PTPRD: variants seen among roughly 807,000 people sequenced by gnomAD.
PTPRD encodes protein tyrosine phosphatase receptor type D, also known as receptor-type tyrosine-protein phosphatase delta.
PTPRD carries 34 observed loss-of-function variants against 214.5 expected under a neutral mutation model. The observed-to-expected ratio is 0.16, with a 90% CI of 0.12 to 0.21. The LOEUF (loss-of-function observed/expected upper bound fraction) is 0.21, where lower values mean the gene tolerates loss of function less well. Ranked by LOEUF, PTPRD falls within the 10% of genes least tolerant of loss-of-function variation. The probability of loss-of-function intolerance (pLI) is 1.00; values close to 1 mark genes in which losing one functional copy is unlikely to be tolerated. For missense variants in PTPRD, 2,545 were observed against 2,398.7 expected (o/e 1.06, Z -1.27); for synonymous variants, 1,128 against 845.7 (o/e 1.33, Z -5.79).
chr9:9,431,862 T>C (rs956491556), intron 8 of PTPRD, among the ~76,000 whole-genome samples: 15 of 124,944 alleles, frequency 1.2e-4, no homozygotes, highest in African/African-American at 4.7e-4. Flanking sequence ...ATGAGAACAC[T>C]TGGACACAGG....
At chr9:10,267,517 C>T (rs1269026786) in intron 3 of PTPRD, among the ~76,000 whole-genome samples, 2 of 151,906 alleles carry the variant, frequency 1.3e-5, no homozygotes, top group African/African-American at 4.8e-5. Flanking sequence ...CACCTACTAG[C>T]AAGATATGAG....
intron 7 of PTPRD, among the ~76,000 whole-genome samples, chr9:9,623,541 C>A (rs888244746): frequency 6.6e-6 from 1 of 152,126 alleles, no homozygotes; most frequent in African/African-American, 2.4e-5. Context: ...CATATTACCC[C>A]CTTTCTAGTA....
intron 7 of PTPRD, among the ~76,000 whole-genome samples, chr9:9,704,381 A>C (rs1189297285): frequency 6.6e-6 from 1 of 152,184 alleles, no homozygotes; most frequent in African/African-American, 2.4e-5. Flanking sequence ...TTGAATCATT[A>C]ATATGCTCAG....
intron 21 of PTPRD, among the ~76,000 whole-genome samples, chr9:8,512,963 T>C (rs1374344471): frequency 6.6e-6 from 1 of 152,014 alleles, no homozygotes; most frequent in African/African-American, 2.4e-5. Flanking sequence ...ACAATTACCT[T>C]TACAAGAAAA....
intron 2 of PTPRD, among the ~76,000 whole-genome samples, chr9:10,446,470 T>C (rs1050919174): frequency 4.9e-5 from 7 of 144,098 alleles, no homozygotes; most frequent in Admixed American, 2.1e-4. Flanking sequence ...AGCTAAAAGA[T>C]TGAAATTCTC....
Position 8,341,785 on chromosome 9 carries a change from C to T in PTPRD, c.4855G>A (p.Glu1619Lys), listed in dbSNP as rs776356704. 1.9e-6 allele frequency: 3 copies of T among 1,613,550 alleles called. No individual in the cohort carries two copies. Among genetic ancestry groups the T allele is most frequent in the South Asian group, 1.1e-5 (1 of 91,066 alleles). ...LLEAVTCGNT[E>K]VPARNLYAYI... is the part of the protein sequence containing the mutation. ...GCATACAAGTTTCTAGCTGGCACTT[C>T]GGTATTTCCACAAGTCACTGCTTCT... The change falls in exon 40 of 46, where the codon GAA becomes AAA. Residue 1619 changes from glutamate to lysine, a missense_variant. Glu to Lys is a moderately conservative substitution (Grantham distance 56). Coordinates refer to ENST00000381196, the MANE Select transcript of PTPRD (RefSeq NM_002839.4).
At chr9:10,263,044 G>A (rs1237733795) in intron 3 of PTPRD, among the ~76,000 whole-genome samples, 3 of 152,260 alleles carry the variant, frequency 2.0e-5, no homozygotes, top group East Asian at 3.9e-4. Flanking sequence ...CTGCCACCAT[G>A]TAAGGTGTGC....
At chr9:8,468,832 CA>C (rs1243629146) in intron 31 of PTPRD, among the ~76,000 whole-genome samples, 2 of 146,216 alleles carry the variant, frequency 1.4e-5, no homozygotes, top group African/African-American at 2.5e-5. Flanking sequence ...CTGTAGGGAT[CA>C]AAAACTGGAT....
intron 8 of PTPRD, among the ~76,000 whole-genome samples, chr9:9,555,135 G>C (rs1456889783): frequency 6.6e-6 from 1 of 151,962 alleles, no homozygotes; most frequent in Non-Finnish European, 1.5e-5. Context: ...AGAAGACTGT[G>C]TTTGTAATAC....
chr9:9,813,652 G>C (rs963394330), intron 5 of PTPRD, among the ~76,000 whole-genome samples: 1 of 151,980 alleles, frequency 6.6e-6, no homozygotes, highest in Non-Finnish European at 1.5e-5. Flanking sequence ...AGAAAAGTCT[G>C]GGGCAAAACG....
chr9:8,693,833 GAAC>G (rs2097856014), intron 12 of PTPRD, among the ~76,000 whole-genome samples: 1 of 152,166 alleles, frequency 6.6e-6, no homozygotes, highest in African/African-American at 2.4e-5. Context: ...CAAGCCAACA[GAAC>G]AACTTGCGTT....
At position 8,899,852 on chromosome 9, in the gene PTPRD, G is replaced by A. The variant is rs185724942; in HGVS notation, c.-104+118845C>T. On this transcript the variant is annotated intron_variant, in intron 11 of 45. Coordinates refer to ENST00000381196, the MANE Select transcript of PTPRD (RefSeq NM_002839.4). Reference sequence around the variant, plus strand: ...AGAGTAAAATGAGAGAAGTTCATCCGGTTAAAATCTAGACATTCAAAGAGC... The same window carrying A: ...AGAGTAAAATGAGAGAAGTTCATCCAGTTAAAATCTAGACATTCAAAGAGC... 3.1e-3 allele frequency among the ~76,000 whole-genome samples: 465 copies of A among 152,204 alleles called. 2 individuals carry two copies. Among genetic ancestry groups the A allele is most frequent in the African/African-American group, 0.01 (419 of 41,532 alleles).
rs372077760 is a variant in PTPRD, at chr9:9,001,869, A to G, written c.-104+16828T>C. On this transcript the variant is annotated intron_variant, in intron 11 of 45. Coordinates refer to ENST00000381196, the MANE Select transcript of PTPRD (RefSeq NM_002839.4). The stretch of plus-strand genomic sequence containing the variant: ...ACTAGGCACATATTTTTCTTCTTTG[A>G]TTCTTCCTATTTCTTTCAGAATTGT... 7.0e-4 allele frequency among the ~76,000 whole-genome samples: 106 copies of G among 151,900 alleles called. 1 individual carries two copies. The highest frequency in any genetic ancestry group is 4.8e-3 in the South Asian group (23 of 4,818).
At chr9:9,894,377 C>G (rs1169786312) in intron 5 of PTPRD, among the ~76,000 whole-genome samples, 4 of 152,080 alleles carry the variant, frequency 2.6e-5, no homozygotes, top group African/African-American at 9.7e-5. Flanking sequence ...TGTGATCTTT[C>G]TACTACCTCT....
chr9:10,507,430 C>T (rs545186443), intron 2 of PTPRD, among the ~76,000 whole-genome samples: 1 of 152,092 alleles, frequency 6.6e-6, no homozygotes, highest in African/African-American at 2.4e-5. Flanking sequence ...ACTTTCTTCA[C>T]AGAATTGGAA....
rs141240514 is a variant in PTPRD, at chr9:8,856,056, C to G, written c.-103-122110G>C. On this transcript the variant is annotated intron_variant, in intron 11 of 45. Transcript: ENST00000381196. ...AAATTTTATTGTCCATTTAGGATGTCTGTTTCCATAAGTCAGACACGGAAC... is the reference window on the plus strand; with the variant it reads ...AAATTTTATTGTCCATTTAGGATGTGTGTTTCCATAAGTCAGACACGGAAC... Among the ~76,000 whole-genome samples the G allele has an allele frequency of 2.5e-3, 375 of 152,282 alleles. 2 individuals are homozygous for G. Among genetic ancestry groups the G allele is most frequent in the Admixed American group, 0.023 (354 of 15,298 alleles).
chr9:10,239,624 A>G (rs540910270), intron 3 of PTPRD, among the ~76,000 whole-genome samples: 13 of 141,166 alleles, frequency 9.2e-5, no homozygotes, highest in African/African-American at 3.3e-4. Context: ...GAATAATAAT[A>G]ATGAACGTTT....
intron 11 of PTPRD, among the ~76,000 whole-genome samples, chr9:8,786,157 C>T (rs1007326352): frequency 1.3e-5 from 2 of 151,828 alleles, no homozygotes; most frequent in Non-Finnish European, 2.9e-5. Context: ...TTCAGCATTA[C>T]TATGGAAAAT....
intron 6 of PTPRD, among the ~76,000 whole-genome samples, chr9:9,735,708 G>C (rs2098280496): frequency 6.6e-6 from 1 of 152,046 alleles, no homozygotes; most frequent in Non-Finnish European, 1.5e-5. Flanking sequence ...CATATTATTA[G>C]AGACCTTACT....
Sources: allele counts gnomAD v4.1 joint callset (sites outside exome capture counted in the v4.1 genomes callset), GRCh38; gene constraint gnomAD v4.1.1; transcripts MANE v1.5; gene names NCBI Gene and HGNC (gene_info 2026-07-23, HGNC 2026-07-21).